The following LRP1B variants were observed in gnomAD, a reference collection of about 807,000 sequenced individuals.
LRP1B encodes low-density lipoprotein receptor-related protein 1B.
Under a neutral mutation model 556.6 loss-of-function variants are expected in LRP1B, and 217 were observed. The observed-to-expected ratio is 0.39, with a 90% CI of 0.35 to 0.44. LRP1B has a LOEUF of 0.44. Among genes scored for constraint, LRP1B ranks in the 20% least tolerant of loss-of-function variants. The probability of loss-of-function intolerance (pLI) is 1.00; values close to 1 mark genes in which losing one functional copy is unlikely to be tolerated. For missense variants in LRP1B, 5,053 were observed against 5,620.8 expected (o/e 0.90, Z 3.23); for synonymous variants, 2,047 against 1,865.8 (o/e 1.10, Z -2.50).
At chr2:141,855,939 A>G (rs1698034651) in intron 1 of LRP1B, among the ~76,000 whole-genome samples, 1 of 152,184 alleles carries the variant, frequency 6.6e-6, no homozygotes, top group Middle Eastern at 3.2e-3. Flanking sequence ...TCATATTTTA[A>G]TGTAAAATAA....
chr2:140,463,449 T>G (rs2105331991), intron 60 of LRP1B, among the ~76,000 whole-genome samples: 1 of 152,334 alleles, frequency 6.6e-6, no homozygotes, highest in Non-Finnish European at 1.5e-5. Flanking sequence ...AGCTCTGAAG[T>G]GTTTTGTTCA....
At chr2:141,542,216 T>C (rs2105211561) in intron 2 of LRP1B, among the ~76,000 whole-genome samples, 1 of 152,160 alleles carries the variant, frequency 6.6e-6, no homozygotes, top group Non-Finnish European at 1.5e-5. Context: ...ATCAGTATCT[T>C]TATATGTATA....
At chr2:141,636,995 A>T (rs1453012933) in intron 2 of LRP1B, among the ~76,000 whole-genome samples, 1 of 152,192 alleles carries the variant, frequency 6.6e-6, no homozygotes, top group Non-Finnish European at 1.5e-5. Flanking sequence ...GAAAGAAAGT[A>T]AAGAGAGGCT....
intron 31 of LRP1B, among the ~76,000 whole-genome samples, chr2:140,824,205 A>C (rs1266008561): frequency 6.6e-6 from 1 of 152,118 alleles, no homozygotes; most frequent in African/African-American, 2.4e-5. Context: ...TAAGCTATTA[A>C]ATATATTTTA....
chr2:141,254,426 G>A, intron 4 of LRP1B, 96 bp downstream of exon 4: 2 of 1,234,396 alleles, frequency 1.6e-6, no homozygotes, highest in South Asian at 2.5e-5. Context: ...CATAAACACT[G>A]TAGAGCACAT....
chr2:140,963,311 GAAGA>G (rs1696094365), intron 18 of LRP1B, among the ~76,000 whole-genome samples: 1 of 151,802 alleles, frequency 6.6e-6, no homozygotes, highest in African/African-American at 2.4e-5. Context: ...TTGGAAGGAA[GAAGA>G]AAGAAGAAAG....
At position 142,045,846 on chromosome 2, in the gene LRP1B, G is replaced by T. The variant is rs1224995714; in HGVS notation, c.82+84802C>A. Among the ~76,000 whole-genome samples the T allele has an allele frequency of 2.0e-5, 3 of 151,838 alleles. No homozygotes were observed. The South Asian group carries it at 6.2e-4, about 32-fold the overall frequency. On this transcript the variant is annotated intron_variant, in intron 1 of 90. Transcript: ENST00000389484. ...TGGGATTTGAGCCTCCGTCTCTTTG[G>T]CAACAAAGTCCACACTCTTGAGGAC...
rs181620230 is a variant in LRP1B, at chr2:141,299,741, A to T, written c.344-45100T>A. ...ATTCTAAAATTAATCACACTTTAAC[A>T]TCCTTTTGTATGTTACCTAATTAGT... On this transcript the variant is annotated intron_variant, in intron 3 of 90. Coordinates refer to ENST00000389484, the MANE Select transcript of LRP1B (RefSeq NM_018557.3). 6.8e-4 allele frequency among the ~76,000 whole-genome samples: 103 copies of T among 152,326 alleles called. 1 individual carries two copies. The highest frequency in any genetic ancestry group is 1.1e-3 in the Non-Finnish European group (77 of 68,020).
intron 3 of LRP1B, among the ~76,000 whole-genome samples, chr2:141,312,397 T>A (rs1232532368): frequency 6.6e-6 from 1 of 152,228 alleles, no homozygotes; most frequent in African/African-American, 2.4e-5. Flanking sequence ...AAGAATACAG[T>A]ATATGACACA....
intron 1 of LRP1B, among the ~76,000 whole-genome samples, chr2:142,043,641 T>A (rs1245079327): frequency 6.6e-6 from 1 of 151,728 alleles, no homozygotes; most frequent in Non-Finnish European, 1.5e-5. Context: ...TTGATCAACT[T>A]TATTTTTCCT....
chr2:140,636,269 C>T (rs1574172223), intron 41 of LRP1B, among the ~76,000 whole-genome samples: 1 of 152,228 alleles, frequency 6.6e-6, no homozygotes, highest in East Asian at 1.9e-4. Context: ...AGACTCAATA[C>T]CCGTGGTAGA....
chr2:141,644,334 G>A (rs1689467479), intron 2 of LRP1B, among the ~76,000 whole-genome samples: 1 of 151,968 alleles, frequency 6.6e-6, no homozygotes, highest in South Asian at 2.1e-4. Context: ...AAAAATAGGA[G>A]TTTCCTCGCA....
intron 2 of LRP1B, among the ~76,000 whole-genome samples, chr2:141,535,080 C>G (rs1452753493): frequency 1.3e-5 from 2 of 152,134 alleles, no homozygotes; most frequent in African/African-American, 4.8e-5. Context: ...CTGTGCACTT[C>G]CCAATCACTT....
In LRP1B at chr2:140,348,185, G is replaced by A. The variant is rs114370272; in HGVS notation, c.11892+2612C>T. 2.6e-3 allele frequency among the ~76,000 whole-genome samples: 390 copies of A among 152,138 alleles called. 2 individuals are homozygous for A. The highest frequency in any genetic ancestry group is 9.0e-3 in the African/African-American group (375 of 41,532). On this transcript the variant is annotated intron_variant, in intron 77 of 90. Transcript: ENST00000389484. ...TGAATAAGCTGAGACCCAGAGATGT[G>A]ATATGCCTTTCAAGTTAGTTGCTCT...
chr2:141,198,526 G>A (rs1681847869), intron 6 of LRP1B, among the ~76,000 whole-genome samples: 1 of 152,090 alleles, frequency 6.6e-6, no homozygotes, highest in South Asian at 2.1e-4. Context: ...CAAGGAAAGG[G>A]CTCCTGTCAT....
At chr2:140,362,086 G>C (rs994550677) in intron 72 of LRP1B, among the ~76,000 whole-genome samples, 1 of 151,576 alleles carries the variant, frequency 6.6e-6, no homozygotes, top group African/African-American at 2.4e-5. Flanking sequence ...CTTCAAATCT[G>C]TCTATATTGT....
chr2:142,126,807 T>C (rs1252032086), intron 1 of LRP1B, among the ~76,000 whole-genome samples: 2 of 151,802 alleles, frequency 1.3e-5, no homozygotes, highest in East Asian at 3.9e-4. Context: ...AGAAAAGACA[T>C]AAAGTTCCCT....
chr2:141,966,378 G>C (rs1234611879), intron 1 of LRP1B, among the ~76,000 whole-genome samples: 1 of 151,870 alleles, frequency 6.6e-6, no homozygotes, highest in Non-Finnish European at 1.5e-5. Flanking sequence ...TTTAGACAGT[G>C]TTGTCTGTGA....
chr2:141,398,697 T>C (rs1269009735), intron 3 of LRP1B, among the ~76,000 whole-genome samples: 1 of 152,196 alleles, frequency 6.6e-6, no homozygotes, highest in African/African-American at 2.4e-5. Flanking sequence ...TATGGTTTCT[T>C]AACTGCCATA....
Sources: gnomAD v4.1 joint callset for allele counts (sites outside exome capture counted in the v4.1 genomes callset) on GRCh38, gnomAD v4.1.1 for gene constraint, MANE v1.5 for transcripts, NCBI Gene and HGNC (gene_info 2026-07-23, HGNC 2026-07-21) for gene names.